Variants in TNKS observed in about 807,000 individuals in gnomAD.
TNKS encodes poly [ADP-ribose] polymerase tankyrase-1.
A neutral mutation model predicts 135.8 loss-of-function variants in TNKS; 72 were observed. The observed-to-expected ratio is 0.53, with a 90% CI of 0.44 to 0.64. The LOEUF is 0.64. Among genes scored for constraint, TNKS ranks in the 30% least tolerant of loss-of-function variants. TNKS has a pLI of 0.00. For missense variants in TNKS, 1,769 were observed against 1,674.0 expected, an observed-to-expected ratio of 1.06 and a Z score of -0.99; for synonymous variants, 849 against 649.3, an observed-to-expected ratio of 1.31 and a Z score of -4.68.
chr8:9,639,497 A>G (rs1472477543), intron 3 of TNKS, among the ~76,000 whole-genome samples: 3 of 150,014 alleles, frequency 2.0e-5, no homozygotes, highest in East Asian at 2.0e-4. Context: ...TGTTTTCACT[A>G]TATAATCTTG....
chr8:9,601,062 T>A (rs1268039382), intron 2 of TNKS, among the ~76,000 whole-genome samples: 1 of 152,204 alleles, frequency 6.6e-6, no homozygotes, highest in Non-Finnish European at 1.5e-5. Context: ...TTAAACAGCA[T>A]GCATAAAGAT....
chr8:9,739,937 G>A (rs1367241797), intron 17 of TNKS, among the ~76,000 whole-genome samples: 2 of 95,306 alleles, frequency 2.1e-5, no homozygotes, highest in Non-Finnish European at 4.1e-5. Context: ...GATAGCATTG[G>A]GAGATATACC....
intron 3 of TNKS, among the ~76,000 whole-genome samples, chr8:9,640,877 A>C (rs1383717589): frequency 6.8e-6 from 1 of 146,020 alleles, no homozygotes; most frequent in Non-Finnish European, 1.5e-5. Flanking sequence ...AACATACCCA[A>C]CATCCTTCTC....
intron 11 of TNKS, among the ~76,000 whole-genome samples, chr8:9,714,839 A>G (rs1199129931): frequency 6.6e-6 from 1 of 152,204 alleles, no homozygotes; most frequent in East Asian, 1.9e-4. Context: ...TGAAGTTGAT[A>G]TTACAGAAAG....
At chr8:9,657,301 G>A (rs1585287212) in intron 3 of TNKS, among the ~76,000 whole-genome samples, 1 of 64,508 alleles carries the variant, frequency 1.6e-5, no homozygotes, top group African/African-American at 5.6e-5. Context: ...GCGGGGGGCC[G>A]ACCCCCCCAC....
At chr8:9,697,070 G>A (rs1381553286) in intron 5 of TNKS, among the ~76,000 whole-genome samples, 1 of 152,036 alleles carries the variant, frequency 6.6e-6, no homozygotes, top group Non-Finnish European at 1.5e-5. Flanking sequence ...CTACAATAAA[G>A]AAAACAGCAT....
chr8:9,586,046 A>G (rs1798368464), intron 2 of TNKS, among the ~76,000 whole-genome samples: 2 of 152,178 alleles, frequency 1.3e-5, no homozygotes, highest in South Asian at 2.1e-4. Context: ...ACACCCTTGT[A>G]CAATAGCTGT....
intron 2 of TNKS, among the ~76,000 whole-genome samples, chr8:9,592,107 GCA>G (rs1011985675): frequency 3.9e-5 from 6 of 152,246 alleles, no homozygotes; most frequent in African/African-American, 1.4e-4. Context: ...TCTAAAATAT[GCA>G]CAGTTATTTC....
At chr8:9,772,273 G>T (rs1321776661) in intron 26 of TNKS, 15 of 418,056 alleles carry the variant, frequency 3.6e-5, no homozygotes, top group Non-Finnish European at 6.7e-5. Flanking sequence ...GGGGGGAGGA[G>T]TAATTATATA....
At chr8:9,606,289 A>T (rs1235952334) in intron 2 of TNKS, among the ~76,000 whole-genome samples, 1 of 150,170 alleles carries the variant, frequency 6.7e-6, no homozygotes, top group African/African-American at 2.5e-5. Flanking sequence ...TGCTTTATTT[A>T]TGAGCTGTCT....
At chr8:9,605,033 T>G (rs1799161873) in intron 2 of TNKS, among the ~76,000 whole-genome samples, 2 of 152,050 alleles carry the variant, frequency 1.3e-5, no homozygotes, top group Admixed American at 1.3e-4. Context: ...AAGTTTGAAG[T>G]AATGAAATAA....
chr8:9,667,742 T>C (rs939944445), intron 3 of TNKS, among the ~76,000 whole-genome samples: 1 of 152,180 alleles, frequency 6.6e-6, no homozygotes, highest in African/African-American at 2.4e-5. Flanking sequence ...TTTTTTCTTA[T>C]ATTTTCCCAA....
chr8:9,647,505 A>G (rs1458511140), intron 3 of TNKS, among the ~76,000 whole-genome samples: 2 of 152,230 alleles, frequency 1.3e-5, no homozygotes, highest in Non-Finnish European at 2.9e-5. Context: ...GGAAAAATAC[A>G]CAAATGTTAG....
chr8:9,743,363 C>G (rs1806070837), intron 17 of TNKS: 1 of 152,096 alleles, frequency 6.6e-6, no homozygotes, highest in Non-Finnish European at 1.5e-5. Context: ...AAAACCTGAA[C>G]TTAGGGTCTG....
chr8:9,575,498 A>C, intron 1 of TNKS: 4 of 896,684 alleles, frequency 4.5e-6, no homozygotes, highest in Non-Finnish European at 5.3e-6. Flanking sequence ...AAGGAAAAAT[A>C]AAAATAAAAA....
At chr8:9,581,704 C>T (rs1479984032) in intron 2 of TNKS, among the ~76,000 whole-genome samples, 1 of 152,168 alleles carries the variant, frequency 6.6e-6, no homozygotes, top group African/African-American at 2.4e-5. Flanking sequence ...TTATACTGTT[C>T]TCACTTTCTT....
intron 2 of TNKS, among the ~76,000 whole-genome samples, chr8:9,609,725 T>G (rs1799374993): frequency 6.6e-6 from 1 of 152,222 alleles, no homozygotes; most frequent in Admixed American, 6.5e-5. Flanking sequence ...GTTCATTGTT[T>G]ACAGCCTAAG....
intron 3 of TNKS, among the ~76,000 whole-genome samples, chr8:9,660,266 C>G (rs1801631231): frequency 6.6e-6 from 1 of 152,188 alleles, no homozygotes; most frequent in South Asian, 2.1e-4. Flanking sequence ...ATACCAAAGC[C>G]TGGCAGAGAC....
chr8:9,597,613 A>C (rs1309000771), intron 2 of TNKS, among the ~76,000 whole-genome samples: 4 of 152,216 alleles, frequency 2.6e-5, no homozygotes, highest in African/African-American at 7.2e-5. Context: ...CATTTTCCCC[A>C]CAAATATTTC....
Sources: gnomAD v4.1 joint callset for allele counts (sites outside exome capture counted in the v4.1 genomes callset) on GRCh38, gnomAD v4.1.1 for gene constraint, MANE v1.5 for transcripts, NCBI Gene and HGNC (gene_info 2026-07-23, HGNC 2026-07-21) for gene names.